EVC2: variants seen among roughly 807,000 people sequenced by gnomAD.
EVC2 encodes EvC ciliary complex subunit 2.
EVC2 carries 148 observed loss-of-function variants against 149.3 expected under a neutral mutation model. That is an observed-to-expected ratio of 0.99 (90% CI 0.87 to 1.14). The LOEUF (loss-of-function observed/expected upper bound fraction) is 1.14, where lower values mean the gene tolerates loss of function less well. Among genes scored for constraint, EVC2 ranks in the 50% most tolerant of loss-of-function variants. The pLI is 0.00. For missense variants in EVC2, 1,854 were observed against 1,627.3 expected (o/e 1.14, Z -2.40); for synonymous variants, 776 against 649.9 (o/e 1.19, Z -2.95).
rs997848448 is a variant in EVC2, at chr4:5,689,182, C to T, written c.681G>A (p.Gln227=). The T allele has an allele frequency of 1.9e-6, 3 of 1,614,110 alleles. No homozygotes were observed. The African/African-American group carries it at 4.0e-5, about 22-fold the overall frequency. Residue 227 remains glutamine (Q), a synonymous_variant, in exon 5 of 22, where the codon CAG becomes CAA. Coordinates refer to ENST00000344408, the MANE Select transcript of EVC2 (RefSeq NM_147127.5). ...SVGNRTSEGF[Q]AFSKKFLQVG... ...CTTGCAGAAACTTCTTGCTAAAAGCCTGGAATCCTTCCGAGGTCCTGTTTC... is the reference window on the plus strand; with the variant it reads ...CTTGCAGAAACTTCTTGCTAAAAGCTTGGAATCCTTCCGAGGTCCTGTTTC...
intron 21 of EVC2, among the ~76,000 whole-genome samples, chr4:5,551,838 A>T (rs1324771117): frequency 6.6e-6 from 1 of 152,062 alleles, no homozygotes; most frequent in African/African-American, 2.4e-5. Context: ...GTCTCACAAG[A>T]TCTGATGATT....
At chr4:5,699,905 C>T (rs142981150) in intron 1 of EVC2, among the ~76,000 whole-genome samples, 2,362 of 152,156 alleles carry the variant, frequency 0.016, 58 homozygotes, top group African/African-American at 0.054. Context: ...CTTTGGGAGG[C>T]CAAGGTAGGC....
chr4:5,645,630 T>C (rs537572798), intron 9 of EVC2, among the ~76,000 whole-genome samples: 1 of 152,356 alleles, frequency 6.6e-6, no homozygotes, highest in African/African-American at 2.4e-5. Flanking sequence ...CCATGGTGTA[T>C]ATGTACCACA....
intron 16 of EVC2, among the ~76,000 whole-genome samples, chr4:5,592,794 C>A (rs923994241): frequency 6.6e-6 from 1 of 152,170 alleles, no homozygotes; most frequent in Admixed American, 6.5e-5. Context: ...TGGCTCCTCC[C>A]AAGTGCTGGC....
At chr4:5,563,207 C>T in intron 21 of EVC2, 92 bp from the exon 22 acceptor site, 1 of 1,257,856 alleles carries the variant, frequency 8.0e-7, no homozygotes, top group South Asian at 1.2e-5. Context: ...TCCTTGGGTC[C>T]TGAATTCCCC....
intron 9 of EVC2, among the ~76,000 whole-genome samples, chr4:5,645,783 TG>T (rs1717668573): frequency 6.6e-6 from 1 of 152,248 alleles, no homozygotes; most frequent in South Asian, 2.1e-4. Context: ...TACTCAGTAA[TG>T]GGATTGCTGG....
intron 5 of EVC2, among the ~76,000 whole-genome samples, chr4:5,688,039 A>G (rs1020698735): frequency 6.6e-6 from 1 of 152,202 alleles, no homozygotes; most frequent in Non-Finnish European, 1.5e-5. Flanking sequence ...CATGCTTTGA[A>G]CACGAGTTAA....
chr4:5,576,466 A>G lies in EVC2; in HGVS notation c.3058-12T>C. On this transcript the variant is annotated splice_polypyrimidine_tract_variant and intron_variant, in intron 17 of 21. Transcript: ENST00000344408. The surrounding 1 kb of genome is among the most constrained non-coding windows in gnomAD (Gnocchi z 4.5). ...AACTCCTGGAGCTCCTACACAAGGA[A>G]GGGGCAGAGGGTAAGCACCACTGCA... The G allele has an allele frequency of 1.3e-6, 2 of 1,574,624 alleles. No homozygotes were observed. The highest frequency in any genetic ancestry group is 2.3e-5 in the South Asian group (2 of 87,316).
At chr4:5,560,481 C>T (rs760236415), downstream of EVC2, among the ~76,000 whole-genome samples, 1 of 152,102 alleles carries the variant, frequency 6.6e-6, no homozygotes, top group African/African-American at 2.4e-5. This position sits in a 1 kb window ranked among gnomAD's most constrained non-coding sequence, Gnocchi z 4.1. Flanking sequence ...AGGGGAAATG[C>T]CAGATACTTA....
chr4:5,694,565 C>A lies in EVC2; in HGVS notation c.284-64G>T, dbSNP rs989598186. The A allele has an allele frequency of 4.4e-6, 7 of 1,591,990 alleles. No homozygotes were observed. In the African/African-American group the frequency reaches 9.4e-5, roughly 21 times the overall value. ...AAGACAGTAAGACATAGAACTTAACCTCTAGAGACAGACTACAGGGTACAT... is the reference window on the plus strand; with the variant it reads ...AAGACAGTAAGACATAGAACTTAACATCTAGAGACAGACTACAGGGTACAT... On this transcript the variant is annotated intron_variant, in intron 2 of 21. Coordinates refer to ENST00000344408, the MANE Select transcript of EVC2 (RefSeq NM_147127.5).
chr4:5,639,111 CT>C (rs1717117612), intron 10 of EVC2, among the ~76,000 whole-genome samples: 1 of 150,966 alleles, frequency 6.6e-6, no homozygotes, highest in Non-Finnish European at 1.5e-5. Flanking sequence ...TGCTCATCCC[CT>C]GTCTGACCAC....
intron 10 of EVC2, among the ~76,000 whole-genome samples, chr4:5,638,333 G>A (rs1717034397): frequency 6.6e-6 from 1 of 151,706 alleles, no homozygotes; most frequent in Non-Finnish European, 1.5e-5. Context: ...AGGTTGCAGT[G>A]AGCCAAGACT....
chr4:5,645,339 G>A (rs1717636226), intron 9 of EVC2, among the ~76,000 whole-genome samples: 1 of 150,070 alleles, frequency 6.7e-6, no homozygotes, highest in South Asian at 2.1e-4. Context: ...GGTTTGTTGT[G>A]CATATTATTT....
intron 21 of EVC2, chr4:5,543,249 C>G (rs1280226939): frequency 7.9e-7 from 1 of 1,269,554 alleles, no homozygotes; most frequent in Middle Eastern, 2.2e-4. Flanking sequence ...ACCAAAGTCT[C>G]TCCCATCCCT....
chr4:5,601,288 A>T (rs538511650), intron 16 of EVC2, among the ~76,000 whole-genome samples: 37 of 150,378 alleles, frequency 2.5e-4, no homozygotes, highest in Middle Eastern at 3.4e-3. Flanking sequence ...GCAGGAATTT[A>T]AAAAAAAAAT....
intron 12 of EVC2, among the ~76,000 whole-genome samples, chr4:5,627,701 T>C (rs1716217160): frequency 6.6e-6 from 1 of 152,206 alleles, no homozygotes; most frequent in Admixed American, 6.5e-5. Context: ...GGATGGCACT[T>C]AGAACTCTGT....
chr4:5,564,606 T>C (rs1456850728), intron 21 of EVC2, among the ~76,000 whole-genome samples: 3 of 152,220 alleles, frequency 2.0e-5, no homozygotes, highest in African/African-American at 7.2e-5. Flanking sequence ...GATATCACTG[T>C]TTAACCCCTT....
In EVC2 at chr4:5,696,830, C is replaced by T. The variant is rs1025343812; in HGVS notation, c.283+763G>A. Reference sequence around the variant, plus strand: ...GAGTGTGGCAAGCTGAATAAAGGTCCGCAAAGACAGCCAGGTCCTAACCCC... The same window carrying T: ...GAGTGTGGCAAGCTGAATAAAGGTCTGCAAAGACAGCCAGGTCCTAACCCC... On this transcript the variant is annotated intron_variant, in intron 2 of 21. Transcript: ENST00000344408. The surrounding 1 kb of genome is among the most constrained non-coding windows in gnomAD (Gnocchi z 4.1). Among the ~76,000 whole-genome samples, 2 of 152,140 alleles carry T rather than the reference C, an allele frequency of 1.3e-5. No homozygotes were observed. The highest frequency in any genetic ancestry group is 2.9e-5 in the Non-Finnish European group (2 of 68,024).
intron 1 of EVC2, among the ~76,000 whole-genome samples, chr4:5,699,760 C>T (rs978475150): frequency 2.0e-5 from 3 of 151,610 alleles, no homozygotes; most frequent in African/African-American, 7.3e-5. Flanking sequence ...GAGGTCGAGG[C>T]TGCAGTGAGC....
Sources: gnomAD v4.1 joint callset for allele counts (sites outside exome capture counted in the v4.1 genomes callset) on GRCh38, gnomAD v4.1.1 for gene constraint, Gnocchi (gnomAD v3.1) non-coding constraint, MANE v1.5 for transcripts, NCBI Gene and HGNC (gene_info 2026-07-23, HGNC 2026-07-21) for gene names.